The following MS4A8 variants were observed in gnomAD, a reference collection of about 807,000 sequenced individuals.
MS4A8 encodes the protein membrane spanning 4-domains A8.
MS4A8 carries 27 observed loss-of-function variants against 23.7 expected under a neutral mutation model. The observed-to-expected ratio is 1.14, with a 90% CI of 0.84 to 1.57. MS4A8 has a LOEUF of 1.57. Ranked by LOEUF, MS4A8 falls within the 40% of genes most tolerant of loss-of-function variation. MS4A8 has a pLI of 0.00. For synonymous variants in MS4A8, 138 were observed against 126.3 expected (o/e 1.09, Z -0.62); for missense variants, 301 against 311.4 (o/e 0.97, Z 0.25).
chr11:60,700,441 G>A (rs2088192972), intron 1 of MS4A8, among the ~76,000 whole-genome samples: 1 of 152,174 alleles, frequency 6.6e-6, no homozygotes, highest in African/African-American at 2.4e-5. Context: ...AGATACTCAG[G>A]AGGCTGAGGC....
chr11:60,714,886 A>T (rs891728580), intron 5 of MS4A8, 135 bp from the exon 6 acceptor site: 37 of 655,182 alleles, frequency 5.6e-5, no homozygotes, highest in Middle Eastern at 8.1e-4. Flanking sequence ...CCGGTGGGAA[A>T]TTTCCCCCCA....
Position 60,715,456 on chromosome 11 carries a change from A to C in MS4A8, c.*42A>C. On this transcript the variant is annotated 3_prime_UTR_variant, in exon 7 of 7. Coordinates refer to ENST00000300226, the MANE Select transcript of MS4A8 (RefSeq NM_031457.2). ...AGCATCTTTCACTGGGACCAAAAGA[A>C]GTCCTCCTCCCTTTCTGGGCTTCCA... The C allele has an allele frequency of 3.9e-6, 6 of 1,520,502 alleles. No homozygotes were observed. Among genetic ancestry groups the C allele is most frequent in the Non-Finnish European group, 5.5e-6 (6 of 1,100,064 alleles). The allele number at this position is 1,520,502 out of a possible 1,614,324, so 94.2% of individuals were successfully genotyped here.
At chr11:60,700,167 A>G (rs1223409130) in intron 1 of MS4A8, among the ~76,000 whole-genome samples, 1 of 152,168 alleles carries the variant, frequency 6.6e-6, no homozygotes, top group Non-Finnish European at 1.5e-5. Context: ...AAAATGAGAG[A>G]ATTGAACTCA....
rs563201509 is a variant in MS4A8, at chr11:60,704,262, A to G, written c.342+762A>G. On this transcript the variant is annotated intron_variant, in intron 3 of 6. Transcript: ENST00000300226. ...CAGCCTCCCTAGTAGCTGGGATTAC[A>G]GACGCGCACCACCACGCCCGGCTAA... Among the ~76,000 whole-genome samples, 5 of 151,770 alleles carry G rather than the reference A, an allele frequency of 3.3e-5. No individual in the cohort carries two copies. In the East Asian group the frequency reaches 9.7e-4, roughly 29 times the overall value.
At chr11:60,714,427 C>A (rs1184804522) in intron 5 of MS4A8, among the ~76,000 whole-genome samples, 1 of 152,166 alleles carries the variant, frequency 6.6e-6, no homozygotes, top group Admixed American at 6.5e-5. Context: ...CCTATGTCTA[C>A]TTCCTTCTAC....
chr11:60,709,419 T>C (rs550282933), intron 5 of MS4A8, among the ~76,000 whole-genome samples: 19 of 152,334 alleles, frequency 1.2e-4, no homozygotes, highest in East Asian at 5.8e-4. Flanking sequence ...ACAGGTGAAA[T>C]TGATTTTAAT....
chr11:60,710,559 G>C (rs1001746177), intron 5 of MS4A8, among the ~76,000 whole-genome samples: 1 of 152,018 alleles, frequency 6.6e-6, no homozygotes, highest in Non-Finnish European at 1.5e-5. Flanking sequence ...TCCCACGCTG[G>C]CCTGAGCCAC....
intron 3 of MS4A8, 52 bp downstream of exon 3, chr11:60,703,552 C>T (rs1384650682): frequency 1.3e-6 from 2 of 1,590,870 alleles, no homozygotes; most frequent in East Asian, 2.3e-5. Context: ...TGCCAAGGCA[C>T]TCAAGGCCAC....
rs762657573 is a variant in MS4A8, at chr11:60,715,054, G to C, written c.568G>C (p.Val190Leu). The C allele has an allele frequency of 3.7e-6, 6 of 1,613,994 alleles. No homozygotes were observed. Among genetic ancestry groups the C allele is most frequent in the Non-Finnish European group, 5.1e-6 (6 of 1,180,024 alleles). Residue 190 changes from valine to leucine, a missense_variant, in exon 6 of 7, where the codon GTC (valine) becomes CTC (leucine). Coordinates refer to ENST00000300226, the MANE Select transcript of MS4A8 (RefSeq NM_031457.2). ...AATGGCGATTTCTGGCGTGCTGCTG[G>C]TCTTCTGCCTCCTGGAGTTTGGCAT... ...PGMAISGVLLVFCLLEFGIAC... is the reference protein window; with the variant it reads ...PGMAISGVLLLFCLLEFGIAC...
In MS4A8 at chr11:60,708,765, C is replaced by T; in HGVS notation, c.518C>T (p.Pro173Leu). The T allele has an allele frequency of 6.2e-7, 1 of 1,614,054 alleles. No individual in the cohort carries two copies. Among genetic ancestry groups the T allele is most frequent in the Non-Finnish European group, 8.5e-7 (1 of 1,179,936 alleles). The change falls in exon 5 of 7, where the codon CCT becomes CTT. Residue 173 changes from proline to leucine, a missense_variant. Transcript: ENST00000300226. ...PHPYAYPDYY[P>L]YAWGVNPGMA... ...CCATATGCCTACCCCGACTATTATC[C>T]TTACGCCTGGGGTGTGGTGAGTATC...
At position 60,700,986 on chromosome 11, in the gene MS4A8, A is replaced by C. The variant is rs143555218; in HGVS notation, c.126A>C (p.Gln42His). The change falls in exon 2 of 7, where the codon CAA becomes CAC. Residue 42 changes from glutamine (Q) to histidine (H), a missense_variant. Physicochemically the swap from Gln to His is conservative, Grantham distance 24 (BLOSUM62 0). Coordinates refer to ENST00000300226, the MANE Select transcript of MS4A8 (RefSeq NM_031457.2). ...HVPLYPNSQP[Q>H]VHLVPGNPPS... is the part of the protein sequence containing the mutation. Reference sequence around the variant, plus strand: ...CCCTGTATCCAAACAGCCAGCCGCAAGTCCACCTAGTTCCTGGGAACCCAC... The same window carrying C: ...CCCTGTATCCAAACAGCCAGCCGCACGTCCACCTAGTTCCTGGGAACCCAC... 24 of 1,614,236 alleles carry C rather than the reference A, an allele frequency of 1.5e-5. No individual in the cohort carries two copies. In the African/African-American group the frequency reaches 2.5e-4, roughly 17 times the overall value.
At chr11:60,711,281 C>T (rs2088298220) in intron 5 of MS4A8, among the ~76,000 whole-genome samples, 1 of 152,184 alleles carries the variant, frequency 6.6e-6, no homozygotes, top group South Asian at 2.1e-4. Flanking sequence ...CATCAACAGC[C>T]ATTAACTGTT....
At chr11:60,704,939 C>G (rs2088243427) in intron 3 of MS4A8, among the ~76,000 whole-genome samples, 1 of 152,002 alleles carries the variant, frequency 6.6e-6, no homozygotes, top group African/African-American at 2.4e-5. Context: ...CTTCCTTTCT[C>G]CTTTCTCTCC....
chr11:60,704,386 G>A (rs1483618250), intron 3 of MS4A8, among the ~76,000 whole-genome samples: 1 of 152,130 alleles, frequency 6.6e-6, no homozygotes, highest in Admixed American at 6.5e-5. Context: ...CTCCCAAAGT[G>A]CTGGGATTAC....
rs2088338450 is a variant in MS4A8 at position 60,715,713 on chromosome 11, T to A, written c.*299T>A. The A allele has an allele frequency of 5.2e-6, 2 of 382,796 alleles. No homozygotes were observed. Among genetic ancestry groups the A allele is most frequent in the Non-Finnish European group, 9.6e-6 (2 of 208,686 alleles). The allele number at this position is 382,796 out of a possible 1,614,324, so 23.7% of individuals were successfully genotyped here. A position where few individuals can be genotyped will look rare whatever the true frequency, so the allele number is the denominator to read the frequency against. ...GCACACACACATTCGTGTGCTCTGC[T>A]GCATGTGAGCTTGTGGGTTAGAGGA... On this transcript the variant is annotated 3_prime_UTR_variant, in exon 7 of 7. Coordinates refer to ENST00000300226, the MANE Select transcript of MS4A8 (RefSeq NM_031457.2).
intron 5 of MS4A8, 39 bp from the exon 6 acceptor site, chr11:60,714,982 G>A: frequency 2.7e-6 from 4 of 1,465,264 alleles, no homozygotes; most frequent in Non-Finnish European, 3.8e-6. Context: ...CGGACTCCCA[G>A]TCCCGTGCTC....
chr11:60,711,071 C>A (rs1051667910), intron 5 of MS4A8, among the ~76,000 whole-genome samples: 6 of 152,218 alleles, frequency 3.9e-5, no homozygotes. Flanking sequence ...GCATCTAACA[C>A]CCTCTGCAAC....
At chr11:60,712,802 A>T (rs115545074) in intron 5 of MS4A8, among the ~76,000 whole-genome samples, 6,778 of 152,068 alleles carry the variant, frequency 0.045, 471 homozygotes, top group African/African-American at 0.15. Flanking sequence ...AAAAAAAAAA[A>T]AAATTAAAAA....
chr11:60,704,336 G>A (rs2088234387), intron 3 of MS4A8, among the ~76,000 whole-genome samples: 1 of 151,866 alleles, frequency 6.6e-6, no homozygotes, highest in African/African-American at 2.4e-5. Context: ...GGCCAGGCTG[G>A]TCTCAAACTC....
Sources: gnomAD v4.1 joint callset for allele counts (sites outside exome capture counted in the v4.1 genomes callset) on GRCh38, gnomAD v4.1.1 for gene constraint, MANE v1.5 for transcripts, NCBI Gene and HGNC (gene_info 2026-07-23, HGNC 2026-07-21) for gene names.